GALNT10: variants seen among roughly 807,000 people sequenced by gnomAD.
GALNT10 encodes the protein GalNAc transferase 10.
In GALNT10, 41 loss-of-function variants were observed where a neutral mutation model predicts 75.0. The ratio of observed to expected loss-of-function variants is 0.55; its 90% confidence interval spans 0.43 to 0.71. GALNT10 has a LOEUF of 0.71. Among genes scored for constraint, GALNT10 ranks in the 30% least tolerant of loss-of-function variants. The pLI is 0.00. For synonymous variants in GALNT10, 302 were observed against 313.0 expected (o/e 0.96, Z 0.37); for missense variants, 727 against 818.5 (o/e 0.89, Z 1.36).
At chr5:154,310,210 T>A (rs548798123) in intron 3 of GALNT10, among the ~76,000 whole-genome samples, 31 of 152,262 alleles carry the variant, frequency 2.0e-4, no homozygotes, top group African/African-American at 6.7e-4. Context: ...CTTTTTATCA[T>A]GATTCATGTG....
chr5:154,290,606 C>G (rs999482243), intron 1 of GALNT10, among the ~76,000 whole-genome samples: 1 of 152,144 alleles, frequency 6.6e-6, no homozygotes, highest in Non-Finnish European at 1.5e-5. Flanking sequence ...GGAGAGCGCT[C>G]AGGCTATACT....
chr5:154,198,282 C>G (rs1344816063), intron 1 of GALNT10, among the ~76,000 whole-genome samples: 1 of 152,216 alleles, frequency 6.6e-6, no homozygotes, highest in East Asian at 1.9e-4. Flanking sequence ...TTAACTGTGG[C>G]AGAGAGTTCT....
intron 1 of GALNT10, among the ~76,000 whole-genome samples, chr5:154,292,737 A>C (rs1472134485): frequency 5.9e-5 from 9 of 152,226 alleles, no homozygotes; most frequent in Non-Finnish European, 7.3e-5. Flanking sequence ...GCTGTCTTCA[A>C]ATGAAATCCC....
chr5:154,367,633 T>C (rs961532532), intron 4 of GALNT10, among the ~76,000 whole-genome samples: 2 of 152,112 alleles, frequency 1.3e-5, no homozygotes, highest in Admixed American at 1.3e-4. Flanking sequence ...GGTGGGCGGA[T>C]CATGAGGTCG....
chr5:154,329,454 C>T lies in GALNT10; in HGVS notation c.402-118C>T, dbSNP rs1005719953. On this transcript the variant is annotated intron_variant, in intron 3 of 11. Coordinates refer to ENST00000297107, the MANE Select transcript of GALNT10 (RefSeq NM_198321.4). Reference sequence around the variant, plus strand: ...GACCAAGGTATCCCTGGATTTTGCTCATTCCCTAAAGACTGGAGAGGAAGT... The same window carrying T: ...GACCAAGGTATCCCTGGATTTTGCTTATTCCCTAAAGACTGGAGAGGAAGT... 37 of 749,742 alleles carry T rather than the reference C, an allele frequency of 4.9e-5. No homozygotes were observed. In the Middle Eastern group the frequency reaches 1.9e-3, roughly 39 times the overall value. 46.4% of individuals were successfully genotyped at this position (749,742 alleles called of 1,614,324 possible).
At position 154,303,956 on chromosome 5, in the gene GALNT10, G is replaced by T. The variant is rs1374275541; in HGVS notation, c.401+5877G>T. Among the ~76,000 whole-genome samples the T allele has an allele frequency of 2.0e-5, 3 of 152,126 alleles. No individual in the cohort carries two copies. The South Asian group carries it at 6.2e-4, about 32-fold the overall frequency. ...GTATTTCATATGTTTAAAAAGTTAGGTAGAGATACGGAAGATATAAGAAGA... is the reference window on the plus strand; with the variant it reads ...GTATTTCATATGTTTAAAAAGTTAGTTAGAGATACGGAAGATATAAGAAGA... On this transcript the variant is annotated intron_variant, in intron 3 of 11. Transcript: ENST00000297107.
At chr5:154,214,404 C>T (rs975573641) in intron 1 of GALNT10, among the ~76,000 whole-genome samples, 1 of 152,088 alleles carries the variant, frequency 6.6e-6, no homozygotes, top group African/African-American at 2.4e-5. Context: ...CCTCATGTTT[C>T]ATTGTGATCT....
chr5:154,379,680 T>A (rs1755704925), intron 5 of GALNT10, among the ~76,000 whole-genome samples: 1 of 152,200 alleles, frequency 6.6e-6, no homozygotes, highest in African/African-American at 2.4e-5. Flanking sequence ...CTCGATTTTC[T>A]AGAATCAGCT....
intron 1 of GALNT10, among the ~76,000 whole-genome samples, chr5:154,276,128 C>T (rs1204155440): frequency 6.6e-6 from 1 of 152,180 alleles, no homozygotes; most frequent in African/African-American, 2.4e-5. Flanking sequence ...ACTAAGCTGA[C>T]TAAACAGGAG....
intron 3 of GALNT10, among the ~76,000 whole-genome samples, chr5:154,322,502 C>G (rs1327778295): frequency 6.6e-6 from 1 of 152,066 alleles, no homozygotes; most frequent in Non-Finnish European, 1.5e-5. Flanking sequence ...TCCTTAACCT[C>G]AATCATGTCT....
At chr5:154,366,502 T>C (rs1338916227) in intron 4 of GALNT10, among the ~76,000 whole-genome samples, 1 of 152,142 alleles carries the variant, frequency 6.6e-6, no homozygotes, top group Non-Finnish European at 1.5e-5. Flanking sequence ...CAGCCGGATG[T>C]TGGAGCTATG....
In GALNT10 at chr5:154,376,175, G is replaced by A. The variant is rs923597019; in HGVS notation, c.569-102G>A. On this transcript the variant is annotated intron_variant, in intron 4 of 11. Transcript: ENST00000297107. The surrounding 1 kb of genome is among the most constrained non-coding windows in gnomAD (Gnocchi z 4.1). ...GTCTAGTGAGGCAGTGTACAGGAAA[G>A]CTGTGTCTAGACTGTGAAGTGCAGT... The A allele has an allele frequency of 1.2e-5, 9 of 769,056 alleles. No individual in the cohort carries two copies. The highest frequency in any genetic ancestry group is 2.0e-5 in the Non-Finnish European group (9 of 442,930). The allele number at this position is 769,056 out of a possible 1,614,324, so 47.6% of individuals were successfully genotyped here.
At chr5:154,257,349 G>A (rs1753629891) in intron 1 of GALNT10, among the ~76,000 whole-genome samples, 1 of 152,110 alleles carries the variant, frequency 6.6e-6, no homozygotes, top group Admixed American at 6.5e-5. Context: ...GACCAAAGCT[G>A]CCTCACCCTG....
Position 154,244,573 on chromosome 5 carries a change from C to T in GALNT10, c.160-50243C>T, listed in dbSNP as rs150105007. Among the ~76,000 whole-genome samples the T allele has an allele frequency of 1.0e-3, 155 of 152,188 alleles. 1 individual carries two copies. Among genetic ancestry groups the T allele is most frequent in the African/African-American group, 3.5e-3 (145 of 41,528 alleles). On this transcript the variant is annotated intron_variant, in intron 1 of 11. Coordinates refer to ENST00000297107, the MANE Select transcript of GALNT10 (RefSeq NM_198321.4). ...AGATTGGGGGAGTTCAGTGCTTATC[C>T]GTGTAATAAGTTAGTTAAGAGTGTT...
chr5:154,326,375 G>C (rs1046150935), intron 3 of GALNT10, among the ~76,000 whole-genome samples: 2 of 152,166 alleles, frequency 1.3e-5, no homozygotes, highest in African/African-American at 4.8e-5. Context: ...AGTTACCTTT[G>C]ACCCAGCAAT....
chr5:154,206,043 G>A (rs1013238428), intron 1 of GALNT10, among the ~76,000 whole-genome samples: 2 of 152,202 alleles, frequency 1.3e-5, no homozygotes, highest in East Asian at 1.9e-4. Flanking sequence ...GTGTGTGTAT[G>A]AGTGTGTCTG....
chr5:154,211,923 A>G (rs1775204476), intron 1 of GALNT10, among the ~76,000 whole-genome samples: 1 of 152,186 alleles, frequency 6.6e-6, no homozygotes, highest in African/African-American at 2.4e-5. Context: ...CTCCAAAGCT[A>G]TATATCATGA....
chr5:154,409,403 A>C lies in GALNT10; in HGVS notation c.1165-138A>C, dbSNP rs1236510198. The stretch of plus-strand genomic sequence containing the variant: ...ATAAATAGAAACACAGAAGGCCTAA[A>C]CTCACGGTGGGGCTGGGATTTTTGA... On this transcript the variant is annotated intron_variant, in intron 8 of 11. Coordinates refer to ENST00000297107, the MANE Select transcript of GALNT10 (RefSeq NM_198321.4). This position sits in a 1 kb window ranked among gnomAD's most constrained non-coding sequence, Gnocchi z 4.5. 4 of 745,992 alleles carry C rather than the reference A, an allele frequency of 5.4e-6. No homozygotes were observed. The highest frequency in any genetic ancestry group is 7.4e-6 in the Non-Finnish European group (3 of 405,116). 46.2% of individuals were successfully genotyped at this position (745,992 alleles called of 1,614,324 possible).
chr5:154,393,811 C>T, intron 7 of GALNT10, among the ~76,000 whole-genome samples: 1 of 152,076 alleles, frequency 6.6e-6, no homozygotes, highest in South Asian at 2.1e-4. Context: ...ACACTGCACT[C>T]CAGCCTGGGT....
Sources: gnomAD v4.1 joint callset for allele counts (sites outside exome capture counted in the v4.1 genomes callset) on GRCh38, gnomAD v4.1.1 for gene constraint, Gnocchi (gnomAD v3.1) non-coding constraint, MANE v1.5 for transcripts, NCBI Gene and HGNC (gene_info 2026-07-23, HGNC 2026-07-21) for gene names.